DPP10: variants seen among roughly 807,000 people sequenced by gnomAD.
DPP10 encodes dipeptidyl peptidase like 10, also known as inactive dipeptidyl peptidase 10.
DPP10 carries 33 observed loss-of-function variants against 120.9 expected under a neutral mutation model. The ratio of observed to expected loss-of-function variants is 0.27; its 90% CI spans 0.21 to 0.37. DPP10 has a LOEUF of 0.37. DPP10 is among the 10% of genes least tolerant of loss of function. The pLI, the probability that DPP10 is intolerant of heterozygous loss-of-function variation, is 1.00. For missense variants in DPP10, 816 were observed against 942.8 expected (o/e 0.87, Z 1.76); for synonymous variants, 337 against 326.1 (o/e 1.03, Z -0.36).
chr2:115,573,673 C>T (rs1186197676), intron 5 of DPP10, among the ~76,000 whole-genome samples: 1 of 150,266 alleles, frequency 6.7e-6, no homozygotes, highest in African/African-American at 2.5e-5. Context: ...CTGCAACCTC[C>T]GCCTCCTGGG....
intron 1 of DPP10, among the ~76,000 whole-genome samples, chr2:114,511,626 C>A (rs777141517): frequency 7.9e-5 from 12 of 152,202 alleles, no homozygotes; most frequent in Non-Finnish European, 1.8e-4. Context: ...CTCAACTGAG[C>A]TTCTGAACCA....
chr2:115,815,394 C>A (rs1687113905), intron 20 of DPP10, among the ~76,000 whole-genome samples: 1 of 152,076 alleles, frequency 6.6e-6, no homozygotes, highest in Admixed American at 6.5e-5. Flanking sequence ...ACACAGAAAC[C>A]AGATATGATA....
intron 1 of DPP10, among the ~76,000 whole-genome samples, chr2:115,199,872 CT>C (rs1430533466): frequency 6.6e-6 from 1 of 151,978 alleles, no homozygotes; most frequent in Non-Finnish European, 1.5e-5. Context: ...TATATAAAAC[CT>C]TCTGCTTGAT....
In DPP10 at chr2:115,246,028, G is replaced by A. The variant is rs12474763; in HGVS notation, c.61-63211G>A. On this transcript the variant is annotated intron_variant, in intron 1 of 25. Coordinates refer to ENST00000410059, the MANE Select transcript of DPP10 (RefSeq NM_020868.6). ...CTTATATGTGATGTCAGAAATATCC[G>A]GATACTGAATACAGAAATTGAAATG... Among the ~76,000 whole-genome samples, 186 of 151,950 alleles carry A rather than the reference G, an allele frequency of 1.2e-3. 1 individual carries two copies. Among genetic ancestry groups the A allele is most frequent in the Middle Eastern group, 0.01 (3 of 294 alleles).
At chr2:115,225,486 C>T (rs991340287) in intron 1 of DPP10, among the ~76,000 whole-genome samples, 5 of 125,318 alleles carry the variant, frequency 4.0e-5, no homozygotes, top group East Asian at 2.5e-4. Flanking sequence ...GAAGTCAAAC[C>T]GCATGAATGT....
At position 115,333,571 on chromosome 2, in the gene DPP10, C is replaced by A. The variant is rs62167296; in HGVS notation, c.176-10246C>A. Among the ~76,000 whole-genome samples the A allele has an allele frequency of 3.8e-3, 572 of 152,208 alleles. 8 individuals carry two copies. Among genetic ancestry groups the A allele is most frequent in the African/African-American group, 0.013 (542 of 41,532 alleles). The stretch of plus-strand genomic sequence containing the variant: ...TTGCAGTGGCTGGTACTGGTTGTTC[C>A]TTTCCATGTTTAGTGCTTCCTTCAG... On this transcript the variant is annotated intron_variant, in intron 2 of 25. Transcript: ENST00000410059.
intron 7 of DPP10, among the ~76,000 whole-genome samples, chr2:115,700,352 A>T (rs1207169086): frequency 6.6e-6 from 1 of 152,154 alleles, no homozygotes; most frequent in Non-Finnish European, 1.5e-5. Flanking sequence ...CTCAACTCAT[A>T]CAGAATAAGC....
intron 3 of DPP10, among the ~76,000 whole-genome samples, chr2:115,458,775 T>G (rs893953984): frequency 1.3e-5 from 2 of 152,182 alleles, no homozygotes; most frequent in Non-Finnish European, 2.9e-5. Flanking sequence ...CAGGTGCATT[T>G]GTACTTTGAA....
chr2:114,758,347 C>A (rs1378960561), intron 1 of DPP10, among the ~76,000 whole-genome samples: 1 of 152,214 alleles, frequency 6.6e-6, no homozygotes, highest in Non-Finnish European at 1.5e-5. Context: ...TGAGCAGATT[C>A]CCAAGCTGCC....
intron 5 of DPP10, among the ~76,000 whole-genome samples, chr2:115,559,956 A>T (rs1336316363): frequency 6.6e-6 from 1 of 152,058 alleles, no homozygotes; most frequent in Non-Finnish European, 1.5e-5. Context: ...TTTTACTCTA[A>T]CTGTGGGTAC....
At chr2:115,573,150 G>T (rs905661619) in intron 5 of DPP10, among the ~76,000 whole-genome samples, 11 of 152,044 alleles carry the variant, frequency 7.2e-5, no homozygotes, top group Non-Finnish European at 1.5e-4. Flanking sequence ...GTAGGAAATA[G>T]AACAGTCAGA....
intron 2 of DPP10, among the ~76,000 whole-genome samples, chr2:115,333,753 C>T (rs1186668485): frequency 6.6e-6 from 1 of 151,966 alleles, no homozygotes; most frequent in Non-Finnish European, 1.5e-5. Context: ...ATATTGGCCC[C>T]CACTCTCTTC....
At chr2:115,747,891 C>T (rs562408662) in intron 10 of DPP10, among the ~76,000 whole-genome samples, 3 of 152,214 alleles carry the variant, frequency 2.0e-5, no homozygotes, top group South Asian at 2.1e-4. Flanking sequence ...CTGTGGCTGG[C>T]CCCGCTTGTC....
At chr2:115,240,761 CCACTCCTTATA>C (rs1356380172) in intron 1 of DPP10, among the ~76,000 whole-genome samples, 2 of 152,120 alleles carry the variant, frequency 1.3e-5, no homozygotes, top group African/African-American at 4.8e-5. Flanking sequence ...TACTAAGTAC[CCACTCCTTATA>C]CACTCAATTT....
At chr2:115,605,181 T>C (rs758652839) in intron 5 of DPP10, among the ~76,000 whole-genome samples, 2 of 152,142 alleles carry the variant, frequency 1.3e-5, no homozygotes, top group African/African-American at 4.8e-5. Context: ...ATGATTAACA[T>C]GCATTTTTTT....
chr2:114,987,804 C>CTTTTTTTTTTTTTTTTTTTTTTTTTTTT lies in DPP10; in HGVS notation c.61-321423_61-321422insTTTTTTTTTTTTTTTTTTTTTTTTTTTT, dbSNP rs59203543. Among the ~76,000 whole-genome samples the CTTTTTTTTTTTTTTTTTTTTTTTTTTTT allele has an allele frequency of 5.9e-5, 6 of 101,034 alleles. 2 individuals carry two copies. The highest frequency in any genetic ancestry group is 1.4e-4 in the Admixed American group (1 of 7,302). The allele number at this position is 101,034 out of a possible 152,430, so 66.3% of individuals were successfully genotyped here. A position where few individuals can be genotyped will look rare whatever the true frequency, so the allele number is the denominator to read the frequency against. On this transcript the variant is annotated intron_variant, in intron 1 of 25. Transcript: ENST00000410059. Reference sequence around the variant, plus strand: ...TATACTCCTTGAGTGTGGAGACTGTCTTTTTTTTTTTTATTTTGAGATGGA... The same window carrying CTTTTTTTTTTTTTTTTTTTTTTTTTTTT: ...TATACTCCTTGAGTGTGGAGACTGTCTTTTTTTTTTTTTTTTTTTTTTTTTTTTTTTTTTTTTTTTATTTTGAGATGGA...
At chr2:114,501,474 A>G (rs1245610667) in intron 1 of DPP10, among the ~76,000 whole-genome samples, 2 of 152,198 alleles carry the variant, frequency 1.3e-5, no homozygotes, top group Non-Finnish European at 2.9e-5. Context: ...CCTGGGACCT[A>G]AAAAGCAATC....
At chr2:115,017,105 C>A (rs1197862659) in intron 1 of DPP10, among the ~76,000 whole-genome samples, 1 of 150,104 alleles carries the variant, frequency 6.7e-6, no homozygotes, top group Admixed American at 6.7e-5. Flanking sequence ...ATACCTAATG[C>A]TAAATGATGA....
chr2:114,750,878 C>T (rs1299544395), intron 1 of DPP10, among the ~76,000 whole-genome samples: 2 of 152,206 alleles, frequency 1.3e-5, no homozygotes, highest in African/African-American at 2.4e-5. Context: ...TATGTGATTA[C>T]AAGTTTTGGA....
Sources: allele counts gnomAD v4.1 joint callset (sites outside exome capture counted in the v4.1 genomes callset), GRCh38; gene constraint gnomAD v4.1.1; transcripts MANE v1.5; gene names NCBI Gene and HGNC (gene_info 2026-07-23, HGNC 2026-07-21).